Variants in PCGF5 observed in about 807,000 individuals in gnomAD.
The protein encoded by PCGF5 is polycomb group ring finger 5.
A neutral mutation model predicts 44.3 loss-of-function variants in PCGF5; 9 were observed. The observed-to-expected ratio is 0.20, with a 90% CI of 0.12 to 0.35. The LOEUF (loss-of-function observed/expected upper bound fraction) is 0.35, where lower values mean the gene tolerates loss of function less well. PCGF5 is among the 10% of genes least tolerant of loss of function. PCGF5 has a pLI of 1.00. For synonymous variants in PCGF5, 95 were observed against 102.5 expected (o/e 0.93, Z 0.44); for missense variants, 146 against 305.3 (o/e 0.48, Z 3.89).
Position 91,208,127 on chromosome 10 carries a change from A to G in PCGF5, c.-183-14562A>G, listed in dbSNP as rs74793315. Among the ~76,000 whole-genome samples, 563 of 152,324 alleles carry G rather than the reference A, an allele frequency of 3.7e-3. 5 individuals carry two copies. The highest frequency in any genetic ancestry group is 0.012 in the African/African-American group (511 of 41,564). On this transcript the variant is annotated intron_variant, in intron 1 of 9. Coordinates refer to the PCGF5 transcript ENST00000614189. ...TCCCTGGAGATTCTTGCCTGAATCA[A>G]TTAATAACATGGTTATAAAATAGTG...
rs557802860 is a variant in PCGF5 at position 91,275,839 on chromosome 10, T to A, written c.724-2430T>A. Among the ~76,000 whole-genome samples the A allele has an allele frequency of 9.2e-5, 14 of 152,290 alleles. No individual in the cohort carries two copies. In the South Asian group the frequency reaches 2.5e-3, roughly 27 times the overall value. ...TGCTGTTTGAACTAGCAGTTCCGCTTTTAGGAATCTATCCTGGGGCAAAAG... is the reference window on the plus strand; with the variant it reads ...TGCTGTTTGAACTAGCAGTTCCGCTATTAGGAATCTATCCTGGGGCAAAAG... On this transcript the variant is annotated intron_variant, in intron 9 of 9. Transcript: ENST00000336126.
intron 1 of PCGF5, among the ~76,000 whole-genome samples, chr10:91,185,928 G>C (rs1460933657): frequency 6.6e-6 from 1 of 152,088 alleles, no homozygotes; most frequent in African/African-American, 2.4e-5. Context: ...GCAGGTACCT[G>C]GATGTTTCAA....
intron 1 of PCGF5, among the ~76,000 whole-genome samples, chr10:91,191,519 C>A (rs1390289782): frequency 1.3e-5 from 2 of 152,170 alleles, no homozygotes; most frequent in African/African-American, 2.4e-5. Flanking sequence ...TAACTGAAAC[C>A]ACAGAAAGCA....
intron 8 of PCGF5, among the ~76,000 whole-genome samples, chr10:91,264,806 C>G (rs949796495): frequency 3.3e-5 from 5 of 151,932 alleles, no homozygotes; most frequent in African/African-American, 7.3e-5. Flanking sequence ...TTTTTTAAAC[C>G]CAATAAGTTG....
At chr10:91,173,149 T>C (rs896258557) in intron 1 of PCGF5, among the ~76,000 whole-genome samples, 3 of 152,256 alleles carry the variant, frequency 2.0e-5, no homozygotes, top group Non-Finnish European at 4.4e-5. Flanking sequence ...GTTATCACTA[T>C]TACCATATGG....
rs140718105 is a variant in PCGF5, at chr10:91,170,183, A to G, written c.-184+7102A>G. Among the ~76,000 whole-genome samples the G allele has an allele frequency of 5.9e-3, 899 of 152,358 alleles. 13 individuals carry two copies. The highest frequency in any genetic ancestry group is 0.02 in the African/African-American group (823 of 41,578). ...AACTGTAAAACTCCTAGAAGATAACATAGGAGAAAATCTGGATGACCTTGG... is the reference window on the plus strand; with the variant it reads ...AACTGTAAAACTCCTAGAAGATAACGTAGGAGAAAATCTGGATGACCTTGG... On this transcript the variant is annotated intron_variant, in intron 1 of 9. Coordinates refer to the PCGF5 transcript ENST00000614189.
chr10:91,270,851 T>C (rs961302359), intron 8 of PCGF5, among the ~76,000 whole-genome samples: 18 of 152,052 alleles, frequency 1.2e-4, no homozygotes, highest in Non-Finnish European at 5.9e-5. Context: ...TTTTATGTTT[T>C]GTAGTCCAAT....
chr10:91,268,097 TATATGTGTGTGTGTGC>T (rs1846088771), intron 8 of PCGF5, among the ~76,000 whole-genome samples: 1 of 152,148 alleles, frequency 6.6e-6, no homozygotes, highest in Non-Finnish European at 1.5e-5. Context: ...CGTATGTGTG[TATATGTGTGTGTGTGC>T]ATATGTGTGT....
intron 6 of PCGF5, among the ~76,000 whole-genome samples, chr10:91,254,203 CGTGTGTGT>C (rs148669111): frequency 6.8e-6 from 1 of 147,942 alleles, no homozygotes; most frequent in Non-Finnish European, 1.5e-5. Context: ...CCCTCCACCT[CGTGTGTGT>C]GTGTGTGTGT....
At chr10:91,208,089 A>G (rs987478657) in intron 1 of PCGF5, among the ~76,000 whole-genome samples, 3 of 152,142 alleles carry the variant, frequency 2.0e-5, no homozygotes, top group African/African-American at 7.2e-5. Context: ...ATTTTTTCTT[A>G]ATAGTTTTAG....
chr10:91,214,810 G>A (rs1214156718), intron 1 of PCGF5, among the ~76,000 whole-genome samples: 1 of 152,202 alleles, frequency 6.6e-6, no homozygotes, highest in Non-Finnish European at 1.5e-5. Context: ...CCAGAGAAAG[G>A]TTGATTAAAC....
At chr10:91,217,116 T>C (rs1184460881), upstream of PCGF5, among the ~76,000 whole-genome samples, 3 of 151,952 alleles carry the variant, frequency 2.0e-5, no homozygotes, top group Non-Finnish European at 4.4e-5. Flanking sequence ...TCACTGCAAG[T>C]TCCACCTCCT....
At chr10:91,277,493 G>C (rs1446051925) in intron 9 of PCGF5, among the ~76,000 whole-genome samples, 1 of 151,902 alleles carries the variant, frequency 6.6e-6, no homozygotes, top group African/African-American at 2.4e-5. Context: ...AACAAACACA[G>C]AGGTAGCGTG....
intron 1 of PCGF5, among the ~76,000 whole-genome samples, chr10:91,189,848 G>T (rs1368924535): frequency 6.6e-6 from 1 of 152,218 alleles, no homozygotes; most frequent in Non-Finnish European, 1.5e-5. Context: ...TTGCACTGAA[G>T]TTATGAGTAT....
chr10:91,258,602 C>T (rs185608377), intron 6 of PCGF5, among the ~76,000 whole-genome samples: 2 of 152,162 alleles, frequency 1.3e-5, no homozygotes. Context: ...TCTTTGTAAG[C>T]TGTTTGGGGC....
upstream of PCGF5, among the ~76,000 whole-genome samples, chr10:91,215,293 G>A (rs185084321): frequency 1.1e-3 from 167 of 152,178 alleles, 2 homozygotes; most frequent in African/African-American, 3.6e-3. Context: ...TCAAAGCCTC[G>A]TCTTTTATAA....
At chr10:91,245,041 A>G (rs1845424507) in intron 3 of PCGF5, among the ~76,000 whole-genome samples, 1 of 152,176 alleles carries the variant, frequency 6.6e-6, no homozygotes, top group Admixed American at 6.6e-5. Flanking sequence ...GGATGAGATC[A>G]CTTCAGGGAG....
intron 1 of PCGF5, among the ~76,000 whole-genome samples, chr10:91,166,512 A>G (rs750398142): frequency 1.3e-5 from 2 of 152,264 alleles, no homozygotes; most frequent in Non-Finnish European, 2.9e-5. Flanking sequence ...CTTTTACAAT[A>G]ATGAAACTAC....
intron 1 of PCGF5, among the ~76,000 whole-genome samples, chr10:91,172,770 G>T (rs1189950948): frequency 1.3e-5 from 2 of 152,182 alleles, no homozygotes; most frequent in African/African-American, 4.8e-5. Context: ...GACTGAGAAA[G>T]GTTTGCGCAT....
Sources: allele counts gnomAD v4.1 joint callset (sites outside exome capture counted in the v4.1 genomes callset), GRCh38; gene constraint gnomAD v4.1.1; transcripts MANE v1.5; gene names NCBI Gene and HGNC (gene_info 2026-07-23, HGNC 2026-07-21).